The following ANKRD16 variants were observed in gnomAD, a reference collection of about 807,000 sequenced individuals.
ANKRD16 encodes ankyrin repeat domain 16.
In ANKRD16, 35 loss-of-function variants were observed where a neutral mutation model predicts 37.9. That is an observed-to-expected ratio of 0.92 (90% CI 0.71 to 1.23). The LOEUF (loss-of-function observed/expected upper bound fraction) is 1.23, where lower values mean the gene tolerates loss of function less well. Ranked by LOEUF, ANKRD16 falls within the 50% of genes most tolerant of loss-of-function variation. ANKRD16 has a pLI of 0.00. For missense variants in ANKRD16, 480 were observed against 469.9 expected, an observed-to-expected ratio of 1.02 and a Z score of -0.20; for synonymous variants, 206 against 197.2, an observed-to-expected ratio of 1.04 and a Z score of -0.37.
At position 5,863,009 on chromosome 10, in the gene ANKRD16, C is replaced by T. The variant is rs1841963491; in HGVS notation, c.*34-318G>A. Among the ~76,000 whole-genome samples the T allele has an allele frequency of 6.6e-6, 1 of 152,150 alleles. No individual in the cohort carries two copies. The highest frequency in any genetic ancestry group is 1.5e-5 in the Non-Finnish European group (1 of 68,042). Reference sequence around the variant, plus strand: ...TGAATTCTGACTTTCCACCTACTGTCCCGGAGCAGCTGACTGTGGTGGAGA... The same window carrying T: ...TGAATTCTGACTTTCCACCTACTGTTCCGGAGCAGCTGACTGTGGTGGAGA... On this transcript the variant is annotated intron_variant, in intron 7 of 7. Coordinates refer to ENST00000380094, the MANE Select transcript of ANKRD16 (RefSeq NM_019046.3). The surrounding 1 kb of genome is among the most constrained non-coding windows in gnomAD (Gnocchi z 4.7).
In ANKRD16 at chr10:5,862,668, AAGG is replaced by A; in HGVS notation, c.*54_*56del. 7.8e-7 allele frequency: 1 copy of A among 1,289,666 alleles called. No homozygotes were observed. 79.9% of individuals were successfully genotyped at this position (1,289,666 alleles called of 1,614,324 possible). On this transcript the variant is annotated 3_prime_UTR_variant, in exon 8 of 8. Transcript: ENST00000380094. The surrounding 1 kb of genome is among the most constrained non-coding windows in gnomAD (Gnocchi z 6.5). The stretch of plus-strand genomic sequence containing the variant: ...TGGCTTTCTCTGAGCCGAAAAACGA[AAGG>A]TGCTCAGGCTCCCAGCAACTCTGTG...
intron 4 of ANKRD16, among the ~76,000 whole-genome samples, 163 bp downstream of exon 4, chr10:5,883,806 G>A (rs1423581407): frequency 6.6e-6 from 1 of 152,208 alleles, no homozygotes; most frequent in African/African-American, 2.4e-5. Flanking sequence ...CCATTTTACA[G>A]ATGGGAACAC....
rs1317675815 is a variant in ANKRD16 at position 5,865,485 on chromosome 10, G to C, written c.*34-2794C>G. ...CCTGGACAGTGGCATGGCTTTCTCA[G>C]TGTTAATCTCCTGTCCCAGACAGCT... On this transcript the variant is annotated intron_variant, in intron 7 of 7. Transcript: ENST00000380094. The surrounding 1 kb of genome is among the most constrained non-coding windows in gnomAD (Gnocchi z 4.7). Among the ~76,000 whole-genome samples, 1 of 152,174 alleles carries C rather than the reference G, an allele frequency of 6.6e-6. No individual in the cohort carries two copies. Among genetic ancestry groups the C allele is most frequent in the Non-Finnish European group, 1.5e-5 (1 of 68,012 alleles).
chr10:5,882,983 C>G (rs1260667661), intron 5 of ANKRD16, 23 bp downstream of exon 5: 2 of 1,608,450 alleles, frequency 1.2e-6, no homozygotes, highest in African/African-American at 1.3e-5. Flanking sequence ...GAAGCTCGGA[C>G]AACGTTATAA....
Position 5,864,604 on chromosome 10 carries a change from G to A in ANKRD16, c.*34-1913C>T, listed in dbSNP as rs1052846533. On this transcript the variant is annotated intron_variant, in intron 7 of 7. Transcript: ENST00000380094. This position sits in a 1 kb window ranked among gnomAD's most constrained non-coding sequence, Gnocchi z 4.4. The stretch of plus-strand genomic sequence containing the variant: ...AAGAATGCGGCTTTAGCTGCAGCCC[G>A]AGAGTTTGGAGATACCTGGAATCTT... 3.3e-5 allele frequency among the ~76,000 whole-genome samples: 5 copies of A among 152,114 alleles called. No individual in the cohort carries two copies. Among genetic ancestry groups the A allele is most frequent in the South Asian group, 4.1e-4 (2 of 4,828 alleles).
chr10:5,883,923 AT>A (rs1406302162), intron 4 of ANKRD16, 45 bp downstream of exon 4: 1 of 1,569,338 alleles, frequency 6.4e-7, no homozygotes, highest in East Asian at 2.2e-5. Flanking sequence ...GTGACCTAAA[AT>A]TTATAGGAAG....
intron 5 of ANKRD16, 92 bp from the exon 6 acceptor site, chr10:5,880,468 TAGA>T (rs1437709889): frequency 4.8e-5 from 33 of 686,758 alleles, no homozygotes; most frequent in African/African-American, 4.3e-4. Context: ...TCAATCAATT[TAGA>T]AGTTTATTTT....
chr10:5,872,757 C>CTT (rs1842118771), intron 7 of ANKRD16, among the ~76,000 whole-genome samples: 1 of 151,854 alleles, frequency 6.6e-6, no homozygotes, highest in Non-Finnish European at 1.5e-5. Flanking sequence ...GGGATTTCAC[C>CTT]GTGTTAGCCA....
At chr10:5,882,485 CAA>C (rs757959621) in intron 5 of ANKRD16, among the ~76,000 whole-genome samples, 2 of 134,986 alleles carry the variant, frequency 1.5e-5, no homozygotes, top group East Asian at 2.2e-4. Flanking sequence ...ACAAACAAAC[CAA>C]AAAAAAAAAA....
At position 5,889,401 on chromosome 10, in the gene ANKRD16, C is replaced by T. The variant is rs1011952875; in HGVS notation, c.-47G>A. 6.9e-6 allele frequency: 8 copies of T among 1,159,964 alleles called. No homozygotes were observed. Among genetic ancestry groups the T allele is most frequent in the Non-Finnish European group, 8.5e-6 (8 of 941,352 alleles). The allele number at this position is 1,159,964 out of a possible 1,614,324, so 71.9% of individuals were successfully genotyped here. On this transcript the variant is annotated 5_prime_UTR_variant, in exon 1 of 8. In the 5' UTR this introduces an upstream ATG that the reference lacks. Coordinates refer to ENST00000380094, the MANE Select transcript of ANKRD16 (RefSeq NM_019046.3). ...GCGCGGGGAGGCGGCGGGCGGGACA[C>T]CGGCGGCCGGGCAGGGAGAAGCCGA...
chr10:5,881,185 T>C (rs1414682414), intron 5 of ANKRD16: 2 of 594,084 alleles, frequency 3.4e-6, no homozygotes, highest in Non-Finnish European at 4.2e-6. Context: ...ATTTAATTAT[T>C]AGAATATAGA....
intron 7 of ANKRD16, among the ~76,000 whole-genome samples, chr10:5,875,242 T>A (rs550548306): frequency 1.3e-5 from 2 of 151,444 alleles, no homozygotes; most frequent in Non-Finnish European, 2.9e-5. Flanking sequence ...GAGGACAAAA[T>A]GAGACAATCT....
rs184536979 is a variant in ANKRD16 at position 5,881,798 on chromosome 10, C to T, written c.849+1208G>A. Among the ~76,000 whole-genome samples the T allele has an allele frequency of 4.4e-3, 670 of 151,500 alleles. 6 individuals carry two copies. The highest frequency in any genetic ancestry group is 0.015 in the African/African-American group (630 of 41,300). On this transcript the variant is annotated intron_variant, in intron 5 of 7. Transcript: ENST00000380094. The stretch of plus-strand genomic sequence containing the variant: ...CTCCTCCCAGGTTCACACCATTCTC[C>T]TGCCTCAGTCTCCCTAGTAGCTGGG...
chr10:5,877,725 T>C (rs191346020), intron 7 of ANKRD16, among the ~76,000 whole-genome samples: 2 of 152,348 alleles, frequency 1.3e-5, no homozygotes, highest in African/African-American at 4.8e-5. Context: ...TTGTTATTAT[T>C]ATCACAGCCT....
chr10:5,886,950 C>T lies in ANKRD16; in HGVS notation c.535+897G>A, dbSNP rs76211313. ...GGCCAAGGTATTTAATTATGAGTAT[C>T]TATATTTATTTAAAAGTATAGCACT... On this transcript the variant is annotated intron_variant, in intron 2 of 7. Transcript: ENST00000380094. Among the ~76,000 whole-genome samples, 1,484 of 152,232 alleles carry T rather than the reference C, an allele frequency of 9.7e-3. 16 individuals carry two copies. Among genetic ancestry groups the T allele is most frequent in the African/African-American group, 0.033 (1,372 of 41,538 alleles).
intron 7 of ANKRD16, among the ~76,000 whole-genome samples, chr10:5,872,711 C>T (rs374200246): frequency 4.6e-5 from 7 of 151,506 alleles, no homozygotes; most frequent in Non-Finnish European, 8.8e-5. Context: ...CGCCCGCCAC[C>T]ACACCCGGCT....
In ANKRD16 at chr10:5,871,200, A is replaced by G. The variant is rs1281482006; in HGVS notation, c.*33+6897T>C. On this transcript the variant is annotated intron_variant, in intron 7 of 7. Coordinates refer to ENST00000380094, the MANE Select transcript of ANKRD16 (RefSeq NM_019046.3). This position sits in a 1 kb window ranked among gnomAD's most constrained non-coding sequence, Gnocchi z 4.5. ...TTGGGAGTTCGAGACCAGCCTGACC[A>G]ACATGGAGAAACCCTGTCTCTACTA... Among the ~76,000 whole-genome samples, 1 of 152,090 alleles carries G rather than the reference A, an allele frequency of 6.6e-6. No homozygotes were observed. Among genetic ancestry groups the G allele is most frequent in the Admixed American group, 6.5e-5 (1 of 15,272 alleles).
At chr10:5,872,936 C>T (rs1008309495) in intron 7 of ANKRD16, among the ~76,000 whole-genome samples, 10 of 151,714 alleles carry the variant, frequency 6.6e-5, no homozygotes, top group Non-Finnish European at 1.0e-4. Flanking sequence ...TCTCGGCTCA[C>T]TGCAGCCTCT....
rs1286126806 is a variant in ANKRD16 at position 5,882,996 on chromosome 10, A to C, written c.849+10T>G. ...GGGAAGCTCGGACAACGTTATAAGAAGTAACAAACCTTAGCTGCATAATGA... is the reference window on the plus strand; with the variant it reads ...GGGAAGCTCGGACAACGTTATAAGACGTAACAAACCTTAGCTGCATAATGA... On this transcript the variant is annotated intron_variant, in intron 5 of 7. Transcript: ENST00000380094. The C allele has an allele frequency of 1.2e-6, 2 of 1,612,048 alleles. No homozygotes were observed. The highest frequency in any genetic ancestry group is 1.7e-5 in the Admixed American group (1 of 59,986).
Sources: gnomAD v4.1 joint callset for allele counts (sites outside exome capture counted in the v4.1 genomes callset) on GRCh38, gnomAD v4.1.1 for gene constraint, Gnocchi (gnomAD v3.1) non-coding constraint, MANE v1.5 for transcripts, NCBI Gene and HGNC (gene_info 2026-07-23, HGNC 2026-07-21) for gene names.